Variants in ERBB4 observed in about 807,000 individuals in gnomAD.
ERBB4 encodes erb-b2 receptor tyrosine kinase 4.
In ERBB4, 42 loss-of-function variants were observed where a neutral mutation model predicts 158.0. That is an observed-to-expected ratio of 0.27 (90% CI 0.21 to 0.34). The LOEUF (loss-of-function observed/expected upper bound fraction) is 0.34, where lower values mean the gene tolerates loss of function less well. Ranked by LOEUF, ERBB4 falls within the 10% of genes least tolerant of loss-of-function variation. ERBB4 has a pLI of 1.00. For missense variants in ERBB4, 1,333 were observed against 1,624.1 expected (o/e 0.82, Z 3.08); for synonymous variants, 583 against 558.7 (o/e 1.04, Z -0.61).
At chr2:211,463,973 C>T (rs1368809707) in intron 20 of ERBB4, among the ~76,000 whole-genome samples, 1 of 152,058 alleles carries the variant, frequency 6.6e-6, no homozygotes, top group Non-Finnish European at 1.5e-5. Context: ...TGCATTTGTT[C>T]TTCCTTCTGT....
At chr2:212,008,298 C>A (rs1037060595) in intron 2 of ERBB4, among the ~76,000 whole-genome samples, 17 of 152,008 alleles carry the variant, frequency 1.1e-4, no homozygotes, top group Admixed American at 8.5e-4. Flanking sequence ...ACGACACAGT[C>A]GAGATTTATT....
At chr2:212,383,709 T>C (rs1374540886) in intron 1 of ERBB4, among the ~76,000 whole-genome samples, 1 of 151,648 alleles carries the variant, frequency 6.6e-6, no homozygotes, top group African/African-American at 2.4e-5. Flanking sequence ...GAAAGCTTTG[T>C]GAAAGGTTAG....
intron 16 of ERBB4, among the ~76,000 whole-genome samples, chr2:211,645,933 A>T (rs1371861257): frequency 6.6e-6 from 1 of 151,608 alleles, no homozygotes; most frequent in Non-Finnish European, 1.5e-5. Context: ...ATACACACAC[A>T]TATATATGTT....
chr2:212,023,757 A>T (rs2076711012), intron 2 of ERBB4, among the ~76,000 whole-genome samples: 1 of 151,866 alleles, frequency 6.6e-6, no homozygotes, highest in Non-Finnish European at 1.5e-5. Flanking sequence ...TGATGAGTAG[A>T]TTCAATTAAA....
At chr2:211,647,588 T>A (rs556608224) in intron 16 of ERBB4, among the ~76,000 whole-genome samples, 50 of 151,762 alleles carry the variant, frequency 3.3e-4, no homozygotes, top group African/African-American at 1.1e-3. Context: ...AAAAAAATGA[T>A]TAACAGTTTC....
chr2:211,594,087 C>G (rs1037729814), intron 19 of ERBB4, among the ~76,000 whole-genome samples: 3 of 152,004 alleles, frequency 2.0e-5, no homozygotes, highest in African/African-American at 7.3e-5. Flanking sequence ...TAAATTCCAT[C>G]GAGGCATATC....
At chr2:211,903,363 T>C (rs2079290339) in intron 3 of ERBB4, among the ~76,000 whole-genome samples, 5 of 152,140 alleles carry the variant, frequency 3.3e-5, no homozygotes, top group South Asian at 2.1e-4. Context: ...CTTGACTTAA[T>C]CCCTGGAAAA....
chr2:212,142,025 A>G (rs2080495022), intron 1 of ERBB4, among the ~76,000 whole-genome samples: 1 of 152,110 alleles, frequency 6.6e-6, no homozygotes, highest in African/African-American at 2.4e-5. Context: ...ATCATCTCCT[A>G]GGATGTTTCA....
At chr2:211,932,731 C>T (rs1226088020) in intron 3 of ERBB4, among the ~76,000 whole-genome samples, 1 of 151,748 alleles carries the variant, frequency 6.6e-6, no homozygotes, top group Non-Finnish European at 1.5e-5. Context: ...GAAAATGTTT[C>T]AAAGATGTCT....
At chr2:212,048,612 A>G (rs986018894) in intron 2 of ERBB4, among the ~76,000 whole-genome samples, 2 of 152,202 alleles carry the variant, frequency 1.3e-5, no homozygotes, top group Admixed American at 6.5e-5. Flanking sequence ...GAGACTGGGG[A>G]AAAATGAATT....
intron 8 of ERBB4, 144 bp downstream of exon 8, chr2:211,713,391 T>G (rs1344899444): frequency 1.5e-6 from 1 of 673,804 alleles, no homozygotes; most frequent in Non-Finnish European, 2.7e-6. Context: ...ATATTTTGAG[T>G]AACTGTTCAA....
intron 2 of ERBB4, among the ~76,000 whole-genome samples, chr2:212,104,285 C>T (rs1350510895): frequency 2.6e-5 from 4 of 152,026 alleles, no homozygotes; most frequent in Non-Finnish European, 4.4e-5. Context: ...TAGCAGGTAA[C>T]CCAATGCCTG....
intron 4 of ERBB4, among the ~76,000 whole-genome samples, chr2:211,761,452 A>T (rs2075411786): frequency 6.6e-6 from 1 of 152,084 alleles, no homozygotes; most frequent in Admixed American, 6.6e-5. Context: ...TCTTAATCAG[A>T]AATTATTTTT....
intron 1 of ERBB4, among the ~76,000 whole-genome samples, chr2:212,206,879 C>T (rs1055393322): frequency 1.3e-5 from 2 of 151,772 alleles, no homozygotes; most frequent in African/African-American, 2.4e-5. Flanking sequence ...TGAGCCACCG[C>T]GCCCGGCCTA....
chr2:212,382,189 AAC>A (rs1422835826), intron 1 of ERBB4, among the ~76,000 whole-genome samples: 1 of 147,796 alleles, frequency 6.8e-6, no homozygotes, highest in Non-Finnish European at 1.5e-5. Context: ...CATACATATA[AAC>A]ACATATAAAT....
chr2:211,634,073 C>T (rs937888741), intron 16 of ERBB4, among the ~76,000 whole-genome samples: 7 of 152,246 alleles, frequency 4.6e-5, no homozygotes, highest in South Asian at 2.1e-4. Context: ...GCAGGAGAAT[C>T]GCCTGAACCC....
chr2:211,458,193 A>C (rs1244806178), intron 20 of ERBB4, among the ~76,000 whole-genome samples: 2 of 148,926 alleles, frequency 1.3e-5, no homozygotes, highest in Non-Finnish European at 3.0e-5. Context: ...GCAACCATGC[A>C]CATGCAACCT....
At chr2:211,652,978 A>C (rs1454768200) in intron 16 of ERBB4, among the ~76,000 whole-genome samples, 1 of 152,198 alleles carries the variant, frequency 6.6e-6, no homozygotes, top group African/African-American at 2.4e-5. Flanking sequence ...ACAAACAAAA[A>C]AAAATCTTTG....
At chr2:212,402,487 G>A (rs918796181) in intron 1 of ERBB4, among the ~76,000 whole-genome samples, 2 of 151,930 alleles carry the variant, frequency 1.3e-5, no homozygotes, top group Non-Finnish European at 2.9e-5. Context: ...ATACACACAC[G>A]AGTTCAAAGA....
Sources: allele counts gnomAD v4.1 joint callset (sites outside exome capture counted in the v4.1 genomes callset), GRCh38; gene constraint gnomAD v4.1.1; transcripts MANE v1.5; gene names NCBI Gene and HGNC (gene_info 2026-07-23, HGNC 2026-07-21).